The following TRPM4 variants were observed in gnomAD, a reference collection of about 807,000 sequenced individuals.
TRPM4 encodes the protein transient receptor potential cation channel subfamily M member 4.
TRPM4 carries 124 observed loss-of-function variants against 135.6 expected under a neutral mutation model. The ratio of observed to expected loss-of-function variants is 0.91; its 90% CI spans 0.79 to 1.06. The LOEUF is 1.06. Among genes scored for constraint, TRPM4 ranks in the 50% least tolerant of loss-of-function variants. The pLI, the probability that TRPM4 is intolerant of heterozygous loss-of-function variation, is 0.00. For missense variants in TRPM4, 1,658 were observed against 1,671.4 expected (o/e 0.99, Z 0.14); for synonymous variants, 745 against 705.6 (o/e 1.06, Z -0.88).
chr19:49,202,233 T>C (rs973188553), intron 20 of TRPM4, 92 bp downstream of exon 20: 17 of 1,448,288 alleles, frequency 1.2e-5, no homozygotes, highest in Non-Finnish European at 1.5e-5. Context: ...ATTCTGTTTT[T>C]AGTCCCTGAA....
chr19:49,173,171 TATCC>T (rs1390283402), intron 9 of TRPM4, among the ~76,000 whole-genome samples: 1 of 145,468 alleles, frequency 6.9e-6, no homozygotes, highest in Non-Finnish European at 1.5e-5. Flanking sequence ...CTCATTCTTC[TATCC>T]ATCCATCTTC....
Position 49,210,749 on chromosome 19 carries a change from C to T in TRPM4, c.3368C>T (p.Thr1123Met). The T allele has an allele frequency of 6.2e-7, 1 of 1,614,158 alleles. No homozygotes were observed. ...LSKEAERKLL[T>M]WESVHKENFL... ...AAGGAAGCCGAGCGGAAGCTGCTAA[C>T]GTGGGAATCGGTGCATAAGGAGAAC... Residue 1123 changes from threonine to methionine, a missense_variant, in exon 22 of 25, where the codon ACG becomes ATG. Thr to Met is a moderately conservative substitution (Grantham distance 81). Transcript: ENST00000252826. The surrounding 1 kb of genome is among the most constrained non-coding windows in gnomAD (Gnocchi z 4.1).
At chr19:49,170,955 T>C (rs1967429808) in intron 6 of TRPM4, among the ~76,000 whole-genome samples, 1 of 151,968 alleles carries the variant, frequency 6.6e-6, no homozygotes. Flanking sequence ...CGGTGGTGTG[T>C]GCCTGTGGTC....
chr19:49,182,148 CCATT>C lies in TRPM4; in HGVS notation c.1264-426_1264-423del, dbSNP rs1462773003. Among the ~76,000 whole-genome samples the C allele has an allele frequency of 5.4e-5, 8 of 149,448 alleles. No homozygotes were observed. The East Asian group carries it at 1.4e-3, about 26-fold the overall frequency. ...TCCATCTGTCCATTCATCCATCCATCCATTCATCTGTCCATCCATCCATCTACCT... is the reference window on the plus strand; with the variant it reads ...TCCATCTGTCCATTCATCCATCCATCCATCTGTCCATCCATCCATCTACCT... On this transcript the variant is annotated intron_variant, in intron 10 of 24. Coordinates refer to ENST00000252826, the MANE Select transcript of TRPM4 (RefSeq NM_017636.4).
chr19:49,210,618 G>A lies in TRPM4; in HGVS notation c.3329-92G>A, dbSNP rs1183908788. On this transcript the variant is annotated intron_variant, in intron 21 of 24. Transcript: ENST00000252826. This position sits in a 1 kb window ranked among gnomAD's most constrained non-coding sequence, Gnocchi z 4.1. Reference sequence around the variant, plus strand: ...CTCGAATCACCAGGGGCTGGGTCTGGGATAGCGTGCGTGTTCTGAGGGTGT... The same window carrying A: ...CTCGAATCACCAGGGGCTGGGTCTGAGATAGCGTGCGTGTTCTGAGGGTGT... 4 of 1,594,734 alleles carry A rather than the reference G, an allele frequency of 2.5e-6. No homozygotes were observed. The South Asian group carries it at 3.3e-5, about 13-fold the overall frequency.
chr19:49,175,815 G>A (rs1026623049), intron 9 of TRPM4, among the ~76,000 whole-genome samples: 10 of 150,142 alleles, frequency 6.7e-5, no homozygotes, highest in Non-Finnish European at 1.5e-4. Context: ...TTTTAGTAGA[G>A]ACGGAGTTTC....
intron 16 of TRPM4, among the ~76,000 whole-genome samples, chr19:49,194,377 T>C (rs1645379): frequency 0.13 from 19,087 of 151,882 alleles, 1,950 homozygotes; most frequent in African/African-American, 0.28. Flanking sequence ...CCTCAGCCTC[T>C]CAAGTAGCTA....
In TRPM4 at chr19:49,168,580, C is replaced by T. The variant is rs149860526; in HGVS notation, c.640C>T (p.Arg214Cys). ...KGSFPARYRW[R>C]GDPEDGVQFP... The stretch of plus-strand genomic sequence containing the variant: ...CTCGTTCCCTGCGAGGTACCGGTGG[C>T]GCGGTGACCCGGAGGACGGGGTCCA... Residue 214 changes from arginine (R) to cysteine (C), a missense_variant, in exon 6 of 25, where the codon CGC becomes TGC. Transcript: ENST00000252826. 8.1e-6 allele frequency: 13 copies of T among 1,613,762 alleles called. No homozygotes were observed. The highest frequency in any genetic ancestry group is 2.2e-5 in the East Asian group (1 of 44,870).
rs561565106 is a variant in TRPM4 at position 49,171,824 on chromosome 19, T to C, written c.1050+55T>C. The C allele has an allele frequency of 3.2e-6, 5 of 1,568,116 alleles. No individual in the cohort carries two copies. The highest frequency in any genetic ancestry group is 1.9e-4 in the Middle Eastern group (1 of 5,286). ...CTGAGATGGGAGGGAACTGGGGACT[T>C]GGGCTCCTGGGTCTGAGGGAGGAGG... On this transcript the variant is annotated intron_variant, in intron 8 of 24. Coordinates refer to ENST00000252826, the MANE Select transcript of TRPM4 (RefSeq NM_017636.4). This position sits in a 1 kb window ranked among gnomAD's most constrained non-coding sequence, Gnocchi z 4.7.
Position 49,168,612 on chromosome 19 carries a change from C to T in TRPM4, c.672C>T (p.Pro224=). ...RGDPEDGVQF[P]LDYNYSAFFL... is the part of the protein sequence containing the mutation. Reference sequence around the variant, plus strand: ...ACCCGGAGGACGGGGTCCAGTTTCCCCTGGACTACAACTACTCGGCCTTCT... The same window carrying T: ...ACCCGGAGGACGGGGTCCAGTTTCCTCTGGACTACAACTACTCGGCCTTCT... Residue 224 remains proline (P), a synonymous_variant, in exon 6 of 25, where the codon CCC becomes CCT. Transcript: ENST00000252826. 5 of 1,613,754 alleles carry T rather than the reference C, an allele frequency of 3.1e-6. No individual in the cohort carries two copies. The African/African-American group carries it at 5.3e-5, about 17-fold the overall frequency.
intron 17 of TRPM4, among the ~76,000 whole-genome samples, chr19:49,197,722 G>T (rs1486942229): frequency 6.7e-6 from 1 of 149,874 alleles, no homozygotes; most frequent in African/African-American, 2.5e-5. Context: ...CCGCTGTGTC[G>T]CCCAGACTGG....
chr19:49,163,185 T>C (rs1967032037), intron 2 of TRPM4, among the ~76,000 whole-genome samples: 1 of 119,228 alleles, frequency 8.4e-6, no homozygotes, highest in African/African-American at 2.7e-5. Context: ...AGAGCTTTTA[T>C]TTTATTATTA....
At chr19:49,202,470 A>G (rs1329032936) in intron 20 of TRPM4, among the ~76,000 whole-genome samples, 1 of 152,078 alleles carries the variant, frequency 6.6e-6, no homozygotes, top group East Asian at 1.9e-4. Context: ...TCGCCCCATA[A>G]GTAGCTGGGA....
chr19:49,182,932 G>C lies in TRPM4; in HGVS notation c.1608+10G>C. On this transcript the variant is annotated intron_variant, in intron 11 of 24. Coordinates refer to ENST00000252826, the MANE Select transcript of TRPM4 (RefSeq NM_017636.4). ...GGGCTTCGGGGAGAGCGTAAGGACC[G>C]GGCAAAGCTGGGGGGCCCCCCCGCG... The C allele has an allele frequency of 6.3e-7, 1 of 1,584,134 alleles. No homozygotes were observed. The highest frequency in any genetic ancestry group is 8.6e-7 in the Non-Finnish European group (1 of 1,165,182).
rs561852859 is a variant in TRPM4 at position 49,210,480 on chromosome 19, G to A, written c.3328+75G>A. The A allele has an allele frequency of 1.5e-5, 23 of 1,553,902 alleles. No individual in the cohort carries two copies. The East Asian group carries it at 4.3e-4, about 29-fold the overall frequency. ...CTGGAAGGCGAGGGGAAGGGGGCAT[G>A]CCCCAAATGACTAACGGGCGTGGCT... is the stretch of plus-strand genomic sequence containing the variant. On this transcript the variant is annotated intron_variant, in intron 21 of 24. Transcript: ENST00000252826. The surrounding 1 kb of genome is among the most constrained non-coding windows in gnomAD (Gnocchi z 4.1).
chr19:49,196,538 G>A lies in TRPM4; in HGVS notation c.2309G>A (p.Arg770His), dbSNP rs1198000169. ...CGCTGCGGGGGGCGCCGGTGCCTAC[G>A]CCGCTGGTTCCACTTCTGGGGCGCG... Reference protein sequence around the residue: ...GGRCGGRRCLRRWFHFWGAPV... With the variant: ...GGRCGGRRCLHRWFHFWGAPV... Residue 770 changes from arginine (R) to histidine (H), a missense_variant, in exon 17 of 25, where the codon CGC becomes CAC. This residue lies in a region of TRPM4 where 1,412 missense variants were observed against 1,408.7 expected (regional missense o/e 1.00). Coordinates refer to ENST00000252826, the MANE Select transcript of TRPM4 (RefSeq NM_017636.4). 1 of 1,554,204 alleles carries A rather than the reference G, an allele frequency of 6.4e-7. No individual in the cohort carries two copies. The highest frequency in any genetic ancestry group is 8.7e-7 in the Non-Finnish European group (1 of 1,153,356).
intron 12 of TRPM4, among the ~76,000 whole-genome samples, chr19:49,187,142 G>A (rs562088848): frequency 1.3e-5 from 2 of 151,730 alleles, no homozygotes; most frequent in Non-Finnish European, 2.9e-5. Context: ...AGGTTAAAAT[G>A]TCACAGTACC....
At chr19:49,198,114 G>A (rs1396337203) in intron 17 of TRPM4, among the ~76,000 whole-genome samples, 1 of 152,138 alleles carries the variant, frequency 6.6e-6, no homozygotes, top group Non-Finnish European at 1.5e-5. Flanking sequence ...TCTAAGCTAT[G>A]TTAGCAGTGT....
At chr19:49,167,707 CAT>C in intron 3 of TRPM4, 1 of 397,220 alleles carries the variant, frequency 2.5e-6, no homozygotes, top group Non-Finnish European at 4.5e-6. Flanking sequence ...TCTCTGTCCC[CAT>C]CTCTCTGGGT....
Sources: allele counts gnomAD v4.1 joint callset (sites outside exome capture counted in the v4.1 genomes callset), GRCh38; gene constraint gnomAD v4.1.1; regional missense constraint gnomAD v4.1.1; non-coding constraint Gnocchi (gnomAD v3.1); transcripts MANE v1.5; gene names NCBI Gene and HGNC (gene_info 2026-07-23, HGNC 2026-07-21).